Variants in RABGAP1 observed in about 807,000 individuals in gnomAD.
The protein encoded by RABGAP1 is rab GTPase-activating protein 1.
A neutral mutation model predicts 137.6 loss-of-function variants in RABGAP1; 23 were observed. The observed-to-expected ratio is 0.17, with a 90% CI of 0.12 to 0.24. The LOEUF is 0.24. Ranked by LOEUF, RABGAP1 falls within the 10% of genes least tolerant of loss-of-function variation. The pLI, the probability that RABGAP1 is intolerant of heterozygous loss-of-function variation, is 1.00. For missense variants in RABGAP1, 906 were observed against 1,275.8 expected (o/e 0.71, Z 4.42); for synonymous variants, 451 against 450.7 (o/e 1.00, Z -0.01).
chr9:122,950,464 G>A (rs1358919279), intron 1 of RABGAP1, among the ~76,000 whole-genome samples: 1 of 142,990 alleles, frequency 7.0e-6, no homozygotes, highest in Non-Finnish European at 1.5e-5. Flanking sequence ...ATCTGCTGAC[G>A]CGTGGGGATT....
chr9:123,069,415 A>T (rs2034280972), intron 14 of RABGAP1, among the ~76,000 whole-genome samples: 1 of 152,122 alleles, frequency 6.6e-6, no homozygotes, highest in Non-Finnish European at 1.5e-5. Context: ...CACAAAGCCT[A>T]CCATCTGGCA....
At chr9:123,084,180 T>C (rs1250993488) in intron 19 of RABGAP1, among the ~76,000 whole-genome samples, 1 of 152,224 alleles carries the variant, frequency 6.6e-6, no homozygotes, top group Admixed American at 6.5e-5. Flanking sequence ...TAAGTTGTTT[T>C]GAGAAGTAAA....
At chr9:123,089,562 A>C (rs2034975351) in intron 19 of RABGAP1, 196 bp from the exon 20 acceptor site, 2 of 536,632 alleles carry the variant, frequency 3.7e-6, no homozygotes, top group Non-Finnish European at 6.6e-6. Flanking sequence ...CTCCAACAGA[A>C]CTCTAAACGC....
chr9:123,096,299 T>C (rs979015525), intron 21 of RABGAP1, among the ~76,000 whole-genome samples: 12 of 152,220 alleles, frequency 7.9e-5, no homozygotes, highest in African/African-American at 2.9e-4. Flanking sequence ...CATTTCATAA[T>C]GATAAAAGAG....
At chr9:122,963,916 A>AAT in intron 2 of RABGAP1, among the ~76,000 whole-genome samples, 1 of 152,352 alleles carries the variant, frequency 6.6e-6, no homozygotes, top group East Asian at 1.9e-4. Context: ...AATGAAAGGG[A>AAT]ATAATACTGC....
Position 123,076,711 on chromosome 9 carries a change from C to T in RABGAP1, c.2373C>T (p.Tyr791=), listed in dbSNP as rs1323458900. 7.5e-6 allele frequency: 12 copies of T among 1,606,368 alleles called. No homozygotes were observed. Among genetic ancestry groups the T allele is most frequent in the Non-Finnish European group, 9.4e-6 (11 of 1,176,284 alleles). ...KFFRVQLPKR[Y]RSEENAKKLM... ...TTAGGGTTCAGCTTCCTAAGAGATA[C>T]CGCTCAGAAGAAAATGCAAAAAAAC... The change falls in exon 19 of 26, where the codon TAC becomes TAT. Residue 791 remains tyrosine, a synonymous_variant. Coordinates refer to ENST00000373647, the MANE Select transcript of RABGAP1 (RefSeq NM_012197.4).
At chr9:123,012,587 A>G (rs2030897476) in intron 11 of RABGAP1, among the ~76,000 whole-genome samples, 1 of 152,214 alleles carries the variant, frequency 6.6e-6, no homozygotes, top group African/African-American at 2.4e-5. Context: ...GCCTCTACTG[A>G]TAGTTCTTAA....
intron 11 of RABGAP1, among the ~76,000 whole-genome samples, chr9:123,013,457 G>T (rs1588270159): frequency 6.6e-6 from 1 of 151,798 alleles, no homozygotes; most frequent in East Asian, 1.9e-4. Context: ...TCAGCCTCCT[G>T]AGTAGCTGGG....
At chr9:123,055,714 T>C (rs913751404) in intron 13 of RABGAP1, among the ~76,000 whole-genome samples, 1 of 151,998 alleles carries the variant, frequency 6.6e-6, no homozygotes, top group African/African-American at 2.4e-5. Flanking sequence ...CACGCCTGGC[T>C]AATTTTTGTA....
chr9:122,996,927 A>T, intron 8 of RABGAP1: 1 of 495,018 alleles, frequency 2.0e-6, no homozygotes, highest in East Asian at 4.4e-5. Flanking sequence ...CAATAGTAGG[A>T]GTTATTAGTA....
At chr9:122,998,096 A>T (rs1013208455) in intron 9 of RABGAP1, among the ~76,000 whole-genome samples, 2 of 151,516 alleles carry the variant, frequency 1.3e-5, no homozygotes, top group African/African-American at 2.4e-5. Flanking sequence ...TTTTTATTTT[A>T]TTTATTTATT....
intron 13 of RABGAP1, chr9:123,034,631 T>C: frequency 1.2e-6 from 2 of 1,613,982 alleles, no homozygotes; most frequent in Middle Eastern, 1.7e-4. Flanking sequence ...TTTGGCTATT[T>C]GGAAACTGTC....
intron 21 of RABGAP1, among the ~76,000 whole-genome samples, chr9:123,091,003 G>A (rs2035016674): frequency 6.6e-6 from 1 of 152,214 alleles, no homozygotes; most frequent in South Asian, 2.1e-4. Flanking sequence ...TTTCTGTAAA[G>A]GGATGGATAA....
chr9:122,946,536 A>G (rs574117539), intron 1 of RABGAP1, among the ~76,000 whole-genome samples: 4 of 152,320 alleles, frequency 2.6e-5, no homozygotes, highest in African/African-American at 9.6e-5. Context: ...AACAGTTTTT[A>G]AAATCTGTAC....
At chr9:123,005,631 A>T (rs2131853611) in intron 10 of RABGAP1, among the ~76,000 whole-genome samples, 1 of 152,254 alleles carries the variant, frequency 6.6e-6, no homozygotes, top group Middle Eastern at 3.4e-3. Context: ...TCCTATTTGG[A>T]TGAACTATGG....
chr9:122,991,924 T>A (rs534108446), intron 6 of RABGAP1, among the ~76,000 whole-genome samples: 1 of 152,318 alleles, frequency 6.6e-6, no homozygotes, highest in African/African-American at 2.4e-5. Context: ...AAAGCAATGC[T>A]GTGAGGTAGT....
intron 9 of RABGAP1, among the ~76,000 whole-genome samples, chr9:122,997,683 G>T (rs113948273): frequency 9.2e-5 from 14 of 152,050 alleles, no homozygotes; most frequent in African/African-American, 3.4e-4. Context: ...AATTTCAAAG[G>T]ATTTATAGGG....
chr9:122,996,235 A>G, intron 7 of RABGAP1, 84 bp downstream of exon 7: 1 of 1,471,704 alleles, frequency 6.8e-7, no homozygotes, highest in East Asian at 2.5e-5. Flanking sequence ...GTATTAAAAA[A>G]TGTATTTCCA....
At chr9:122,942,101 C>T (rs1833608494) in intron 1 of RABGAP1, among the ~76,000 whole-genome samples, 1 of 152,116 alleles carries the variant, frequency 6.6e-6, no homozygotes. Flanking sequence ...TATTTACAAA[C>T]GTGTGCCTGG....
Sources: gnomAD v4.1 joint callset for allele counts (sites outside exome capture counted in the v4.1 genomes callset) on GRCh38, gnomAD v4.1.1 for gene constraint, MANE v1.5 for transcripts, NCBI Gene and HGNC (gene_info 2026-07-23, HGNC 2026-07-21) for gene names.